Variants in ITPK1 observed in about 807,000 individuals in gnomAD.
ITPK1 encodes the protein inositol-tetrakisphosphate 1-kinase.
ITPK1 carries 21 observed loss-of-function variants against 45.3 expected under a neutral mutation model. The ratio of observed to expected loss-of-function variants is 0.46; its 90% confidence interval spans 0.33 to 0.67. ITPK1 has a LOEUF of 0.67. Among genes scored for constraint, ITPK1 ranks in the 30% least tolerant of loss-of-function variants. ITPK1 has a pLI of 0.02. For synonymous variants in ITPK1, 258 were observed against 253.6 expected (o/e 1.02, Z -0.16); for missense variants, 474 against 573.5 (o/e 0.83, Z 1.77).
chr14:93,087,825 C>G (rs1000369502), intron 2 of ITPK1, among the ~76,000 whole-genome samples: 1 of 152,198 alleles, frequency 6.6e-6, no homozygotes, highest in Admixed American at 6.5e-5. Flanking sequence ...CAGCTTTGCA[C>G]GGTACCCGCA....
intron 2 of ITPK1, among the ~76,000 whole-genome samples, chr14:93,100,538 G>A (rs977012877): frequency 6.9e-6 from 1 of 145,920 alleles, no homozygotes; most frequent in Non-Finnish European, 1.5e-5. Flanking sequence ...AGAGAGGAGG[G>A]AGAGAGAGAG....
chr14:93,054,385 C>T (rs1339572711), intron 3 of ITPK1, among the ~76,000 whole-genome samples: 1 of 152,192 alleles, frequency 6.6e-6, no homozygotes, highest in Non-Finnish European at 1.5e-5. Flanking sequence ...CCTGCCAGTA[C>T]CACCTCTCTG....
In ITPK1 at chr14:93,115,096, T is replaced by A. The variant is rs1287636904; in HGVS notation, c.68A>T (p.Asn23Ile). ...WLSEKKIKKL[N>I]FQAFAELCRK... ...GCACAGCTCGGCGAAGGCCTGGAAA[T>A]TCAGCTTCTTGATTTTCTTCTCGCT... Residue 23 changes from asparagine to isoleucine, a missense_variant, in exon 2 of 11, where the codon AAT (asparagine) becomes ATT (isoleucine). Physicochemically the swap from Asn to Ile is moderately radical, Grantham distance 149. Coordinates refer to ENST00000267615, the MANE Select transcript of ITPK1 (RefSeq NM_014216.6). The A allele has an allele frequency of 1.9e-6, 3 of 1,601,054 alleles. No individual in the cohort carries two copies. Among genetic ancestry groups the A allele is most frequent in the Non-Finnish European group, 2.6e-6 (3 of 1,175,104 alleles).
chr14:93,013,334 TG>T (rs904473778), intron 4 of ITPK1, among the ~76,000 whole-genome samples: 10 of 152,182 alleles, frequency 6.6e-5, no homozygotes, highest in African/African-American at 2.4e-4. Flanking sequence ...GGGGCAGTGA[TG>T]AAGGTTCTGT....
chr14:93,092,007 C>A (rs1595208288), intron 2 of ITPK1, among the ~76,000 whole-genome samples: 1 of 152,202 alleles, frequency 6.6e-6, no homozygotes, highest in African/African-American at 2.4e-5. Context: ...GTGTCCAACC[C>A]CATGACTCCC....
intron 5 of ITPK1, among the ~76,000 whole-genome samples, chr14:92,967,342 G>T (rs1183873985): frequency 6.6e-6 from 1 of 152,182 alleles, no homozygotes; most frequent in Non-Finnish European, 1.5e-5. Context: ...TCGGGGAAAT[G>T]CAAATCAAAA....
chr14:93,103,701 C>G (rs1892413002), intron 2 of ITPK1, among the ~76,000 whole-genome samples: 3 of 152,148 alleles, frequency 2.0e-5, no homozygotes, highest in African/African-American at 7.2e-5. Context: ...ACGGCCCACC[C>G]CAGATTCATT....
At chr14:93,079,935 AAT>A (rs1206179255) in intron 2 of ITPK1, among the ~76,000 whole-genome samples, 8 of 152,338 alleles carry the variant, frequency 5.3e-5, no homozygotes, top group African/African-American at 1.9e-4. Context: ...TCAAGTGTGC[AAT>A]ATGTTTCCGG....
Position 92,940,966 on chromosome 14 carries a change from A to G in ITPK1, c.*595T>C. On this transcript the variant is annotated 3_prime_UTR_variant, in exon 11 of 11. Coordinates refer to ENST00000267615, the MANE Select transcript of ITPK1 (RefSeq NM_014216.6). ...GAGCACAGCCCAGACCCCAGCGCGG[A>G]ACTCCCCTGAGGGGTCTGTGGCCTC... 6.2e-6 allele frequency: 8 copies of G among 1,285,920 alleles called. No homozygotes were observed. Among genetic ancestry groups the G allele is most frequent in the Non-Finnish European group, 8.1e-6 (8 of 988,008 alleles). 79.7% of individuals were successfully genotyped at this position (1,285,920 alleles called of 1,614,324 possible). A position where few individuals can be genotyped will look rare whatever the true frequency, so the allele number is the denominator to read the frequency against.
chr14:93,042,735 T>C (rs1341052452), intron 3 of ITPK1, among the ~76,000 whole-genome samples: 2 of 152,122 alleles, frequency 1.3e-5, no homozygotes, highest in African/African-American at 4.8e-5. Context: ...GTTTCAATCA[T>C]GGCTGGCTGC....
chr14:92,984,692 G>A (rs1216525745), intron 5 of ITPK1, among the ~76,000 whole-genome samples: 4 of 152,086 alleles, frequency 2.6e-5, no homozygotes, highest in Non-Finnish European at 4.4e-5. Flanking sequence ...TTGTTCACAC[G>A]TGAGATTATG....
intron 10 of ITPK1, among the ~76,000 whole-genome samples, chr14:92,942,328 G>A (rs1285237624): frequency 6.6e-6 from 1 of 152,138 alleles, no homozygotes; most frequent in East Asian, 1.9e-4. Context: ...ATACTCCTGA[G>A]GCCCAGCTGA....
intron 3 of ITPK1, among the ~76,000 whole-genome samples, chr14:93,033,278 T>C (rs557015175): frequency 6.6e-6 from 1 of 152,174 alleles, no homozygotes; most frequent in Non-Finnish European, 1.5e-5. Flanking sequence ...AACTGTGCAT[T>C]GGCACAGCAG....
intron 4 of ITPK1, chr14:92,998,947 C>T (rs750417246): frequency 3.9e-5 from 6 of 152,236 alleles, no homozygotes; most frequent in South Asian, 2.1e-4. Context: ...TATAAAAACG[C>T]TATTGGGTAA....
chr14:93,028,068 C>T (rs1391775130), intron 3 of ITPK1, among the ~76,000 whole-genome samples: 2 of 152,248 alleles, frequency 1.3e-5, no homozygotes, highest in African/African-American at 4.8e-5. Context: ...GCTGCTCTCC[C>T]ACAGCCACAC....
At chr14:92,974,183 G>C (rs1885808807) in intron 5 of ITPK1, among the ~76,000 whole-genome samples, 1 of 152,152 alleles carries the variant, frequency 6.6e-6, no homozygotes, top group South Asian at 2.1e-4. Flanking sequence ...TGGAGGGTGG[G>C]GCCCCTGCAG....
chr14:92,946,159 C>A (rs77029492), intron 10 of ITPK1, among the ~76,000 whole-genome samples, 172 bp downstream of exon 10: 1 of 152,162 alleles, frequency 6.6e-6, no homozygotes, highest in Admixed American at 6.5e-5. Flanking sequence ...TCGCACACCC[C>A]GTAAGCCCAT....
At chr14:92,978,110 T>C (rs542513453) in intron 5 of ITPK1, among the ~76,000 whole-genome samples, 21 of 151,966 alleles carry the variant, frequency 1.4e-4, no homozygotes, top group Non-Finnish European at 3.1e-4. Context: ...AGGAACTTAC[T>C]GGAAACTGGA....
Position 92,940,281 on chromosome 14 carries a change from T to G in ITPK1, c.*1280A>C. 1 of 988,234 alleles carries G rather than the reference T, an allele frequency of 1.0e-6. No individual in the cohort carries two copies. The highest frequency in any genetic ancestry group is 1.2e-6 in the Non-Finnish European group (1 of 831,692). 61.2% of individuals were successfully genotyped at this position (988,234 alleles called of 1,614,324 possible). A position where few individuals can be genotyped will look rare whatever the true frequency, so the allele number is the denominator to read the frequency against. On this transcript the variant is annotated 3_prime_UTR_variant, in exon 11 of 11. Transcript: ENST00000267615. ...ATCTTAAGACACAAAAACATACTTG[T>G]GGGGGCTGATGCCTCTCACCCAGCA...
Sources: gnomAD v4.1 joint callset for allele counts (sites outside exome capture counted in the v4.1 genomes callset) on GRCh38, gnomAD v4.1.1 for gene constraint, MANE v1.5 for transcripts, NCBI Gene and HGNC (gene_info 2026-07-23, HGNC 2026-07-21) for gene names.